Variants in GRM8 observed in about 807,000 individuals in gnomAD.
GRM8 encodes the protein metabotropic glutamate receptor 8.
GRM8 carries 47 observed loss-of-function variants against 87.2 expected under a neutral mutation model. The ratio of observed to expected loss-of-function variants is 0.54; its 90% CI spans 0.43 to 0.69. GRM8 has a LOEUF of 0.69. Ranked by LOEUF, GRM8 falls within the 30% of genes least tolerant of loss-of-function variation. GRM8 has a pLI of 0.00. For missense variants in GRM8, 1,019 were observed against 1,139.2 expected (o/e 0.89, Z 1.52); for synonymous variants, 396 against 404.5 (o/e 0.98, Z 0.25).
chr7:126,588,589 T>C (rs1796382538), intron 8 of GRM8, among the ~76,000 whole-genome samples: 1 of 152,048 alleles, frequency 6.6e-6, no homozygotes, highest in South Asian at 2.1e-4. Flanking sequence ...AAAGAAAATG[T>C]GACACATAGG....
chr7:126,589,127 G>A (rs564110300), intron 8 of GRM8, among the ~76,000 whole-genome samples: 22 of 152,282 alleles, frequency 1.4e-4, no homozygotes, highest in African/African-American at 5.1e-4. Context: ...GACAGAACTT[G>A]GGGGAGAGAG....
chr7:127,244,264 A>G (rs1798466928), intron 1 of GRM8, among the ~76,000 whole-genome samples: 1 of 152,218 alleles, frequency 6.6e-6, no homozygotes. Flanking sequence ...TGAGGGAAAC[A>G]TGCCTTGATC....
chr7:126,575,841 A>G (rs1388892440), intron 8 of GRM8, among the ~76,000 whole-genome samples: 2 of 152,052 alleles, frequency 1.3e-5, no homozygotes, highest in Non-Finnish European at 2.9e-5. Context: ...TTATTTTGAG[A>G]ACTTAACTTC....
At chr7:126,646,254 G>A (rs1166725966) in intron 7 of GRM8, among the ~76,000 whole-genome samples, 1 of 144,130 alleles carries the variant, frequency 6.9e-6, no homozygotes, top group African/African-American at 2.6e-5. Context: ...GAAGAGAGAA[G>A]GAGGGAAAGA....
intron 7 of GRM8, among the ~76,000 whole-genome samples, chr7:126,727,202 A>C (rs1206313161): frequency 6.6e-6 from 1 of 151,902 alleles, no homozygotes; most frequent in Non-Finnish European, 1.5e-5. Flanking sequence ...ATATAGGTTC[A>C]ACAAGACTGC....
intron 9 of GRM8, among the ~76,000 whole-genome samples, chr7:126,502,361 C>T (rs1809776412): frequency 6.6e-6 from 1 of 152,022 alleles, no homozygotes; most frequent in African/African-American, 2.4e-5. Context: ...CCTCTAAGAT[C>T]TGTTTACAGG....
intron 6 of GRM8, among the ~76,000 whole-genome samples, chr7:126,863,615 C>T (rs986605083): frequency 2.6e-5 from 4 of 152,064 alleles, no homozygotes; most frequent in African/African-American, 7.2e-5. Flanking sequence ...TTAGTGTGCT[C>T]GAGAAAATGG....
chr7:127,095,693 G>A (rs1455746688), intron 3 of GRM8: 2 of 152,190 alleles, frequency 1.3e-5, no homozygotes, highest in African/African-American at 2.4e-5. Flanking sequence ...TAGCTGTCCT[G>A]CTCCACTGTC....
chr7:127,023,268 AT>A (rs1292109126), intron 3 of GRM8, among the ~76,000 whole-genome samples: 3 of 152,034 alleles, frequency 2.0e-5, no homozygotes, highest in Non-Finnish European at 2.9e-5. Flanking sequence ...TGGCAAATCT[AT>A]TTTTAAGGCT....
chr7:126,529,637 C>T (rs1814486416), intron 9 of GRM8, among the ~76,000 whole-genome samples: 1 of 152,014 alleles, frequency 6.6e-6, no homozygotes, highest in South Asian at 2.1e-4. Flanking sequence ...CCATCGGATG[C>T]TCTAGAAGAG....
intron 3 of GRM8, among the ~76,000 whole-genome samples, chr7:127,014,700 T>A (rs1175294551): frequency 6.6e-6 from 1 of 152,074 alleles, no homozygotes; most frequent in Admixed American, 6.6e-5. Flanking sequence ...AAAATTTGGC[T>A]TAAAATTCTT....
chr7:126,741,905 A>T (rs1815050020), intron 7 of GRM8, among the ~76,000 whole-genome samples: 1 of 152,028 alleles, frequency 6.6e-6, no homozygotes, highest in Non-Finnish European at 1.5e-5. Flanking sequence ...ACCTTCAGAG[A>T]GTGATGAGGA....
chr7:126,785,062 A>C (rs1246304497), intron 6 of GRM8, among the ~76,000 whole-genome samples: 1 of 152,058 alleles, frequency 6.6e-6, no homozygotes, highest in East Asian at 1.9e-4. Context: ...TCCAGGCTGG[A>C]GTGTAGTAGC....
intron 7 of GRM8, among the ~76,000 whole-genome samples, chr7:126,622,791 T>G (rs1248937709): frequency 1.3e-5 from 2 of 152,198 alleles, no homozygotes; most frequent in Non-Finnish European, 2.9e-5. Context: ...CATTTTTCAC[T>G]CCCTTCATGG....
At chr7:127,226,174 C>T (rs143625970) in intron 2 of GRM8, among the ~76,000 whole-genome samples, 5 of 152,260 alleles carry the variant, frequency 3.3e-5, no homozygotes, top group African/African-American at 1.2e-4. Context: ...TTAGCACAAT[C>T]AACTTAGCAC....
intron 3 of GRM8, among the ~76,000 whole-genome samples, chr7:126,992,548 G>A (rs1812761494): frequency 6.6e-6 from 1 of 151,998 alleles, no homozygotes; most frequent in Non-Finnish European, 1.5e-5. Flanking sequence ...CTAACAACAG[G>A]TGGGCACAGG....
In GRM8 at chr7:127,133,723, A is replaced by AAAAT. The variant is rs1228524865; in HGVS notation, c.511-27012_511-27011insATTT. Among the ~76,000 whole-genome samples the AAAAT allele has an allele frequency of 4.0e-5, 6 of 151,566 alleles. No homozygotes were observed. The South Asian group carries it at 1.2e-3, about 31-fold the overall frequency. On this transcript the variant is annotated intron_variant, in intron 2 of 10. Transcript: ENST00000339582. ...TCCCTCTCCAAAAAAAAAAAAAAAAAAAAAAATTAATAAATACAAACAAGA... is the reference window on the plus strand; with the variant it reads ...TCCCTCTCCAAAAAAAAAAAAAAAAAAAATAAAAAATTAATAAATACAAACAAGA...
At chr7:126,556,410 G>C (rs191731983) in intron 8 of GRM8, among the ~76,000 whole-genome samples, 2 of 150,666 alleles carry the variant, frequency 1.3e-5, no homozygotes, top group Non-Finnish European at 3.0e-5. Context: ...ACTTTGGGAG[G>C]CCGAGGTGGG....
chr7:126,861,363 A>C (rs187307462), intron 6 of GRM8, among the ~76,000 whole-genome samples: 1 of 152,098 alleles, frequency 6.6e-6, no homozygotes, highest in Non-Finnish European at 1.5e-5. Context: ...CCAATTTTTC[A>C]CTATTAAAAT....
Sources: gnomAD v4.1 joint callset for allele counts (sites outside exome capture counted in the v4.1 genomes callset) on GRCh38, gnomAD v4.1.1 for gene constraint, MANE v1.5 for transcripts, NCBI Gene and HGNC (gene_info 2026-07-23, HGNC 2026-07-21) for gene names.